Variants in WDR64 observed in about 807,000 individuals in gnomAD.
The protein encoded by WDR64 is WD repeat domain 64, also known as WD repeat-containing protein 64.
A neutral mutation model predicts 139.3 loss-of-function variants in WDR64; 112 were observed. That is an observed-to-expected ratio of 0.80 (90% CI 0.69 to 0.94). WDR64 has a LOEUF of 0.94. Ranked by LOEUF, WDR64 falls within the 40% of genes least tolerant of loss-of-function variation. WDR64 has a pLI of 0.00. For synonymous variants in WDR64, 444 were observed against 437.7 expected (o/e 1.01, Z -0.18); for missense variants, 1,206 against 1,293.1 (o/e 0.93, Z 1.03).
At chr1:241,674,279 G>GA (rs941010948) in intron 3 of WDR64, among the ~76,000 whole-genome samples, 4 of 56,612 alleles carry the variant, frequency 7.1e-5, no homozygotes, top group African/African-American at 2.3e-4. Context: ...TTTTTTTTGA[G>GA]ACAGGGTCTC....
chr1:241,760,691 A>G (rs1670394535), intron 15 of WDR64, among the ~76,000 whole-genome samples: 1 of 149,430 alleles, frequency 6.7e-6, no homozygotes, highest in African/African-American at 2.4e-5. Flanking sequence ...AATGCAAATT[A>G]AAGTATATAC....
intron 9 of WDR64, among the ~76,000 whole-genome samples, chr1:241,720,799 T>C (rs7414353): frequency 0.17 from 25,906 of 152,144 alleles, 2,421 homozygotes; most frequent in African/African-American, 0.2. Flanking sequence ...AGCTCCTTAA[T>C]TAGATCCCAT....
At chr1:241,728,463 C>G (rs1668939744) in intron 10 of WDR64, among the ~76,000 whole-genome samples, 1 of 152,128 alleles carries the variant, frequency 6.6e-6, no homozygotes, top group East Asian at 1.9e-4. Context: ...TATAAATTAG[C>G]TTTCATCACA....
intron 15 of WDR64, among the ~76,000 whole-genome samples, chr1:241,761,509 T>C (rs1233214250): frequency 6.6e-6 from 1 of 151,784 alleles, no homozygotes; most frequent in Non-Finnish European, 1.5e-5. Flanking sequence ...ATGTTGTTGT[T>C]CTTTTCCTTC....
intron 15 of WDR64, among the ~76,000 whole-genome samples, chr1:241,763,930 G>T (rs1658033078): frequency 6.6e-6 from 1 of 152,160 alleles, no homozygotes; most frequent in Admixed American, 6.5e-5. Flanking sequence ...TTTTGAAGAG[G>T]ATAATTGCTG....
chr1:241,794,009 T>C (rs1659283581), intron 25 of WDR64, among the ~76,000 whole-genome samples: 1 of 151,932 alleles, frequency 6.6e-6, no homozygotes, highest in South Asian at 2.1e-4. Flanking sequence ...TGGTGAAACC[T>C]GTCTCTATTA....
chr1:241,735,528 TCTC>T, intron 10 of WDR64, among the ~76,000 whole-genome samples: 1 of 121,858 alleles, frequency 8.2e-6, no homozygotes, highest in East Asian at 2.4e-4. Flanking sequence ...TCTCTCTCTC[TCTC>T]TCTTTTTTTT....
intron 8 of WDR64, among the ~76,000 whole-genome samples, chr1:241,702,278 G>GAA (rs1264984635): frequency 3.3e-5 from 5 of 151,000 alleles, no homozygotes; most frequent in Non-Finnish European, 5.9e-5. Flanking sequence ...TTGCTGTGGA[G>GAA]ACAGAACTGG....
At chr1:241,690,725 T>C (rs1475911511) in intron 8 of WDR64, among the ~76,000 whole-genome samples, 2 of 152,056 alleles carry the variant, frequency 1.3e-5, no homozygotes, top group East Asian at 3.9e-4. Context: ...ATACCTGCTT[T>C]TCAAGAAAGG....
intron 2 of WDR64, among the ~76,000 whole-genome samples, chr1:241,663,439 A>T (rs1431803126): frequency 6.6e-6 from 1 of 151,996 alleles, no homozygotes; most frequent in Non-Finnish European, 1.5e-5. Flanking sequence ...TCCCTTGGCC[A>T]CCCCCTCAGA....
intron 11 of WDR64, among the ~76,000 whole-genome samples, chr1:241,739,407 C>G (rs1292620570): frequency 6.6e-6 from 1 of 152,164 alleles, no homozygotes; most frequent in Admixed American, 6.5e-5. Context: ...GCTATCTCTG[C>G]TGGTGGAGAA....
Position 241,802,052 on chromosome 1 carries a change from C to T in WDR64, c.*837C>T. 1 of 397,536 alleles carries T rather than the reference C, an allele frequency of 2.5e-6. No homozygotes were observed. The highest frequency in any genetic ancestry group is 4.4e-6 in the Non-Finnish European group (1 of 225,652). 24.6% of individuals were successfully genotyped at this position (397,536 alleles called of 1,614,324 possible). A position where few individuals can be genotyped will look rare whatever the true frequency, so the allele number is the denominator to read the frequency against. Reference sequence around the variant, plus strand: ...CTAACCTAAAGAAAATCAATATAGCCATATTAATATTAAAATACACTTTAA... The same window carrying T: ...CTAACCTAAAGAAAATCAATATAGCTATATTAATATTAAAATACACTTTAA... On this transcript the variant is annotated 3_prime_UTR_variant, in exon 28 of 28. Coordinates refer to ENST00000437684, the MANE Select transcript of WDR64 (RefSeq NM_001367482.1).
chr1:241,769,677 G>A (rs1464069391), intron 17 of WDR64, among the ~76,000 whole-genome samples, 172 bp downstream of exon 17: 15 of 152,222 alleles, frequency 9.9e-5, no homozygotes, highest in Admixed American at 2.6e-4. Context: ...GGGTTGACAC[G>A]TGGCTTCCGC....
chr1:241,694,213 T>C (rs932842865), intron 8 of WDR64, among the ~76,000 whole-genome samples: 3 of 152,156 alleles, frequency 2.0e-5, no homozygotes, highest in Non-Finnish European at 4.4e-5. Flanking sequence ...AATTAGAAAT[T>C]TAATGGAAGA....
chr1:241,794,502 C>CTTTTTTTTTTTTTTTTTTTT lies in WDR64; in HGVS notation c.2998-704_2998-703insTTTTTTTTTTTTTTTTTTTT, dbSNP rs1659299229. Reference sequence around the variant, plus strand: ...AATGCCCCACATATTTTAAGCTTTACTGTTTTTTTTTTTTTTTTTTTTTTG... The same window carrying CTTTTTTTTTTTTTTTTTTTT: ...AATGCCCCACATATTTTAAGCTTTACTTTTTTTTTTTTTTTTTTTTTGTTTTTTTTTTTTTTTTTTTTTTG... On this transcript the variant is annotated intron_variant, in intron 25 of 27. Coordinates refer to ENST00000437684, the MANE Select transcript of WDR64 (RefSeq NM_001367482.1). Among the ~76,000 whole-genome samples the CTTTTTTTTTTTTTTTTTTTT allele has an allele frequency of 2.9e-5, 3 of 105,024 alleles. 1 individual carries two copies. The allele number at this position is 105,024 out of a possible 152,430, so 68.9% of individuals were successfully genotyped here. A position where few individuals can be genotyped will look rare whatever the true frequency, so the allele number is the denominator to read the frequency against.
At chr1:241,751,552 GA>G (rs1407882563) in intron 14 of WDR64, among the ~76,000 whole-genome samples, 10 of 152,170 alleles carry the variant, frequency 6.6e-5, no homozygotes, top group Non-Finnish European at 1.2e-4. Flanking sequence ...AGTTATTCAG[GA>G]AACATCGCTG....
chr1:241,677,851 A>G (rs1043701763), intron 4 of WDR64, among the ~76,000 whole-genome samples: 2 of 152,222 alleles, frequency 1.3e-5, no homozygotes, highest in African/African-American at 4.8e-5. Flanking sequence ...ATTATTTTGC[A>G]TTCCTATTTT....
intron 14 of WDR64, 24 bp from the exon 15 acceptor site, chr1:241,757,259 G>A (rs755588746): frequency 4.4e-6 from 7 of 1,598,732 alleles, no homozygotes; most frequent in Non-Finnish European, 6.0e-6. Flanking sequence ...AACTTTTCAT[G>A]CACTCACTGG....
intron 15 of WDR64, 107 bp downstream of exon 15, chr1:241,757,566 C>G (rs1239724610): frequency 9.6e-7 from 1 of 1,046,034 alleles, no homozygotes; most frequent in Admixed American, 3.2e-5. Flanking sequence ...TATGTGTTAT[C>G]ACTCAGCTTC....
Sources: gnomAD v4.1 joint callset for allele counts (sites outside exome capture counted in the v4.1 genomes callset) on GRCh38, gnomAD v4.1.1 for gene constraint, MANE v1.5 for transcripts, NCBI Gene and HGNC (gene_info 2026-07-23, HGNC 2026-07-21) for gene names.